Variants in ARSF observed in about 807,000 individuals in gnomAD.
ARSF encodes the protein arylsulfatase F.
Under a neutral mutation model 35.4 loss-of-function variants are expected in ARSF, and 33 were observed. That is an observed-to-expected ratio of 0.93 (90% CI 0.71 to 1.25). The LOEUF (loss-of-function observed/expected upper bound fraction) is 1.25, where lower values mean the gene tolerates loss of function less well. Ranked by LOEUF, ARSF falls within the 50% of genes most tolerant of loss-of-function variation. The pLI, the probability that ARSF is intolerant of heterozygous loss-of-function variation, is 0.00. For synonymous variants in ARSF, 222 were observed against 193.1 expected (o/e 1.15, Z -1.24); for missense variants, 501 against 480.2 (o/e 1.04, Z -0.40).
chrX:3,106,343 C>T lies in ARSF; in HGVS notation c.1265+2419C>T, dbSNP rs150637637. On this transcript the variant is annotated intron_variant, in intron 9 of 10. Transcript: ENST00000381127. ...TTGGTTATTCCTATGCTTGGTTCTC[C>T]CAAGCCTCTTTATTTGAATTCATGA... 2.5e-3 allele frequency among the ~76,000 whole-genome samples: 277 copies of T among 112,104 alleles called. 1 individual carries two copies. The highest frequency in any genetic ancestry group is 8.7e-3 in the African/African-American group (270 of 30,878).
At chrX:3,088,841 G>A (rs983944456) in intron 6 of ARSF, among the ~76,000 whole-genome samples, 3 of 111,592 alleles carry the variant, frequency 2.7e-5, no homozygotes, top group Non-Finnish European at 5.6e-5. Context: ...GATTATAGGC[G>A]TGAGCCACTG....
chrX:3,092,430 A>G (rs2090301279), intron 7 of ARSF, among the ~76,000 whole-genome samples: 1 of 111,816 alleles, frequency 8.9e-6, no homozygotes, highest in South Asian at 3.7e-4. Context: ...TTAAATTAAC[A>G]AAGCTCCCAA....
At chrX:3,095,026 T>C (rs1446341579) in intron 7 of ARSF, among the ~76,000 whole-genome samples, 1 of 108,722 alleles carries the variant, frequency 9.2e-6, no homozygotes, top group Non-Finnish European at 1.9e-5. Flanking sequence ...TCCATGGTTG[T>C]AATCCCTGCT....
At chrX:3,062,487 C>A (rs1003319186) in intron 1 of ARSF, among the ~76,000 whole-genome samples, 1 of 111,169 alleles carries the variant, frequency 9.0e-6, no homozygotes, top group African/African-American at 3.3e-5. Flanking sequence ...ACACAAAAAA[C>A]CCTTCAAAAA....
intron 1 of ARSF, among the ~76,000 whole-genome samples, chrX:3,056,984 T>A (rs763872022): frequency 9.0e-6 from 1 of 111,363 alleles, no homozygotes; most frequent in South Asian, 3.9e-4. Context: ...TCATTGTGAC[T>A]CCAAAGTCTA....
chrX:3,077,789 T>TTTATTTATTATTA (rs1555919571), intron 4 of ARSF, among the ~76,000 whole-genome samples: 8 of 92,225 alleles, frequency 8.7e-5, no homozygotes, highest in Non-Finnish European at 1.0e-4. Context: ...TTTTATTTTA[T>TTTATTTATTATTA]TTATTATTAT....
intron 2 of ARSF, among the ~76,000 whole-genome samples, chrX:3,069,945 A>G (rs1226177798): frequency 8.9e-6 from 1 of 112,007 alleles, no homozygotes; most frequent in Non-Finnish European, 1.9e-5. Flanking sequence ...ACTCTAAAAT[A>G]CATTCTTATT....
At position 3,079,564 on chromosome X, in the gene ARSF, G is replaced by A. The variant is rs770985646; in HGVS notation, c.284-1327G>A. Among the ~76,000 whole-genome samples, 7 of 108,845 alleles carry A rather than the reference G, an allele frequency of 6.4e-5. No homozygotes were observed. In the East Asian group the frequency reaches 1.2e-3, roughly 18 times the overall value. 94.5% of individuals were successfully genotyped at this position (108,845 alleles called of 115,157 possible). On this transcript the variant is annotated intron_variant, in intron 4 of 10. Coordinates refer to ENST00000381127, the MANE Select transcript of ARSF (RefSeq NM_001201539.2). ...TCCCCATATTGGTCAGGCTGGTCTC[G>A]AACTCCTGACTTCAGGTAATCCCCC... is the stretch of plus-strand genomic sequence containing the variant.
chrX:3,074,685 G>A (rs746429424), intron 3 of ARSF, among the ~76,000 whole-genome samples: 23 of 111,425 alleles, frequency 2.1e-4, no homozygotes, highest in African/African-American at 7.5e-4. Flanking sequence ...GGTGAAAATG[G>A]TGAAAATTAT....
chrX:3,063,991 G>T (rs960305718), intron 1 of ARSF, among the ~76,000 whole-genome samples: 4 of 111,944 alleles, frequency 3.6e-5, no homozygotes, highest in African/African-American at 6.5e-5. Context: ...AGCCCAGATT[G>T]CCAGGTCAAT....
At chrX:3,078,616 C>T (rs1311691977) in intron 4 of ARSF, among the ~76,000 whole-genome samples, 1 of 111,176 alleles carries the variant, frequency 9.0e-6, no homozygotes, top group South Asian at 3.8e-4. Flanking sequence ...TCTCCCTCCT[C>T]AGCCTCCTGA....
chrX:3,071,411 C>G (rs1384212618), intron 2 of ARSF, among the ~76,000 whole-genome samples: 2 of 110,686 alleles, frequency 1.8e-5, no homozygotes, highest in African/African-American at 6.6e-5. Flanking sequence ...TCAAGTGATT[C>G]TCCTGCCTCA....
intron 3 of ARSF, 69 bp from the exon 4 acceptor site, chrX:3,076,479 C>T (rs1424067721): frequency 2.7e-6 from 3 of 1,105,504 alleles, no homozygotes; most frequent in African/African-American, 1.9e-5. Flanking sequence ...TCCTCTCGCT[C>T]TTCCTCTCTG....
Position 3,048,680 on chromosome X carries a change from G to A in ARSF, c.-29+7017G>A, listed in dbSNP as rs771370699. 2.7e-5 allele frequency among the ~76,000 whole-genome samples: 3 copies of A among 111,865 alleles called. No homozygotes were observed. In the East Asian group the frequency reaches 8.5e-4, roughly 32 times the overall value. ...AGCAAGCTGTGCCCTGAACACCTTG[G>A]GCACATGTCGTCAGGACTTCCTGAG... On this transcript the variant is annotated intron_variant, in intron 1 of 10. Coordinates refer to ENST00000381127, the MANE Select transcript of ARSF (RefSeq NM_001201539.2).
intron 1 of ARSF, among the ~76,000 whole-genome samples, chrX:3,052,132 C>T (rs753213857): frequency 3.8e-4 from 42 of 111,991 alleles, no homozygotes; most frequent in African/African-American, 9.7e-4. Flanking sequence ...ATTCCAGTGG[C>T]GTCCTTATAA....
chrX:3,096,728 AC>A (rs2090340318), intron 7 of ARSF, among the ~76,000 whole-genome samples: 1 of 112,166 alleles, frequency 8.9e-6, no homozygotes, highest in Admixed American at 9.5e-5. Flanking sequence ...AAAGAGAAGG[AC>A]ATTACATTCG....
intron 3 of ARSF, among the ~76,000 whole-genome samples, chrX:3,074,857 C>A (rs2090134702): frequency 9.0e-6 from 1 of 110,976 alleles, no homozygotes; most frequent in Non-Finnish European, 1.9e-5. Flanking sequence ...TGTTCTCGAC[C>A]CTCACCCCAG....
At chrX:3,058,931 A>G (rs2090030254) in intron 1 of ARSF, among the ~76,000 whole-genome samples, 1 of 112,037 alleles carries the variant, frequency 8.9e-6, no homozygotes, top group Non-Finnish European at 1.9e-5. Flanking sequence ...CAGTTGCATG[A>G]AGGTGGAAAA....
intron 10 of ARSF, among the ~76,000 whole-genome samples, chrX:3,111,847 G>A (rs144402636): frequency 2.2e-3 from 242 of 109,490 alleles, no homozygotes; most frequent in African/African-American, 7.5e-3. Flanking sequence ...ATTCTCATAC[G>A]TAGCCTGCAA....
Sources: gnomAD v4.1 joint callset for allele counts (sites outside exome capture counted in the v4.1 genomes callset) on GRCh38, gnomAD v4.1.1 for gene constraint, MANE v1.5 for transcripts, NCBI Gene and HGNC (gene_info 2026-07-23, HGNC 2026-07-21) for gene names.